FGGY: variants seen among roughly 807,000 people sequenced by gnomAD.
The protein encoded by FGGY is FGGY carbohydrate kinase domain-containing protein.
Under a neutral mutation model 71.3 loss-of-function variants are expected in FGGY, and 72 were observed. The observed-to-expected ratio is 1.01, with a 90% CI of 0.84 to 1.23. The LOEUF (loss-of-function observed/expected upper bound fraction) is 1.23, where lower values mean the gene tolerates loss of function less well. Among genes scored for constraint, FGGY ranks in the 50% most tolerant of loss-of-function variants. The probability of loss-of-function intolerance (pLI) is 0.00; values close to 1 mark genes in which losing one functional copy is unlikely to be tolerated. For missense variants in FGGY, 668 were observed against 682.3 expected (o/e 0.98, Z 0.23); for synonymous variants, 251 against 250.3 (o/e 1.00, Z -0.02).
chr1:59,503,917 T>A (rs2094308802), intron 6 of FGGY, among the ~76,000 whole-genome samples: 1 of 152,042 alleles, frequency 6.6e-6, no homozygotes, highest in Non-Finnish European at 1.5e-5. Context: ...AGGATGCTAA[T>A]TTGATTATGG....
At chr1:59,494,237 G>A (rs1352667816) in intron 6 of FGGY, among the ~76,000 whole-genome samples, 1 of 152,190 alleles carries the variant, frequency 6.6e-6, no homozygotes, top group African/African-American at 2.4e-5. Context: ...AAATGCAAAT[G>A]TGGCTAATTG....
chr1:59,328,275 AACTTGCTGGAGTTTCTACATCAGC>A (rs1215306744), intron 2 of FGGY, among the ~76,000 whole-genome samples: 1 of 152,216 alleles, frequency 6.6e-6, no homozygotes, highest in Admixed American at 6.5e-5. Flanking sequence ...TCATCTGTAT[AACTTGCTGGAGTTTCTACATCAGC>A]ACTTGCTGCT....
At chr1:59,529,218 A>G (rs542948635) in intron 7 of FGGY, among the ~76,000 whole-genome samples, 1 of 152,382 alleles carries the variant, frequency 6.6e-6, no homozygotes, top group African/African-American at 2.4e-5. Flanking sequence ...TTCTACAGGA[A>G]TTTTAAAAAG....
chr1:59,446,888 G>C (rs1157613532), intron 5 of FGGY, among the ~76,000 whole-genome samples: 2 of 152,116 alleles, frequency 1.3e-5, no homozygotes, highest in African/African-American at 2.4e-5. Flanking sequence ...CAGCAGTGCC[G>C]GCTTCATTTT....
chr1:59,726,852 G>C (rs527562800), intron 14 of FGGY, among the ~76,000 whole-genome samples: 1 of 151,934 alleles, frequency 6.6e-6, no homozygotes, highest in African/African-American at 2.4e-5. Flanking sequence ...ATTGATTTAT[G>C]CTCTAATTTT....
At chr1:59,693,269 C>T (rs1210081437) in intron 14 of FGGY, among the ~76,000 whole-genome samples, 2 of 152,230 alleles carry the variant, frequency 1.3e-5, no homozygotes, top group Admixed American at 1.3e-4. Context: ...TTCATCTGAA[C>T]GCATCACTTA....
chr1:59,432,417 A>G (rs1032647005), intron 5 of FGGY, among the ~76,000 whole-genome samples: 4 of 152,202 alleles, frequency 2.6e-5, no homozygotes. Flanking sequence ...TTTGATTGGC[A>G]TCTGAAATGG....
At chr1:59,530,918 A>T (rs2095124217) in intron 7 of FGGY, among the ~76,000 whole-genome samples, 1 of 152,200 alleles carries the variant, frequency 6.6e-6, no homozygotes, top group Non-Finnish European at 1.5e-5. Flanking sequence ...AGGTTAATGG[A>T]CCAGAAGACG....
At chr1:59,700,475 G>A (rs11207507) in intron 14 of FGGY, among the ~76,000 whole-genome samples, 2 of 152,120 alleles carry the variant, frequency 1.3e-5, no homozygotes, top group African/African-American at 4.8e-5. Context: ...CTTCAACAAA[G>A]TAGTGCATGA....
intron 6 of FGGY, among the ~76,000 whole-genome samples, chr1:59,463,780 A>C (rs543726856): frequency 9.2e-5 from 14 of 152,322 alleles, no homozygotes; most frequent in African/African-American, 3.1e-4. Context: ...GCCATTACAT[A>C]ATGGTAAAGG....
At chr1:59,748,648 A>G (rs918984424) in intron 14 of FGGY, among the ~76,000 whole-genome samples, 10 of 152,196 alleles carry the variant, frequency 6.6e-5, no homozygotes, top group Non-Finnish European at 1.2e-4. Flanking sequence ...TTTATTCAAA[A>G]AGCGATGGAA....
intron 8 of FGGY, among the ~76,000 whole-genome samples, chr1:59,560,331 A>T (rs966653739): frequency 2.0e-5 from 3 of 152,208 alleles, no homozygotes; most frequent in African/African-American, 7.2e-5. Context: ...ATCACAGCCA[A>T]GAGGAACCTA....
intron 5 of FGGY, among the ~76,000 whole-genome samples, chr1:59,423,046 A>G (rs2065733827): frequency 6.6e-6 from 1 of 152,128 alleles, no homozygotes; most frequent in Non-Finnish European, 1.5e-5. Context: ...ACTCCAGCCT[A>G]TTTCTCAATT....
intron 5 of FGGY, among the ~76,000 whole-genome samples, chr1:59,424,298 C>T (rs960988449): frequency 2.0e-5 from 3 of 152,220 alleles, no homozygotes; most frequent in African/African-American, 7.2e-5. Flanking sequence ...CCTGTAATCC[C>T]AGCACTCTGG....
chr1:59,585,137 A>C (rs35172840), intron 8 of FGGY, among the ~76,000 whole-genome samples: 1 of 152,116 alleles, frequency 6.6e-6, no homozygotes, highest in Admixed American at 6.5e-5. Flanking sequence ...TCAAGCTACC[A>C]ATGACTTTCT....
intron 2 of FGGY, among the ~76,000 whole-genome samples, chr1:59,325,904 G>A (rs934376373): frequency 6.6e-6 from 1 of 152,164 alleles, no homozygotes; most frequent in African/African-American, 2.4e-5. Context: ...CCCTAAATTT[G>A]GCAGGTTTTA....
chr1:59,393,998 A>T (rs528807901), intron 5 of FGGY, among the ~76,000 whole-genome samples: 1 of 152,284 alleles, frequency 6.6e-6, no homozygotes, highest in Non-Finnish European at 1.5e-5. Flanking sequence ...CACAAAAGCT[A>T]TTTTAAATGT....
At chr1:59,529,099 C>T (rs2095069938) in intron 7 of FGGY, among the ~76,000 whole-genome samples, 1 of 152,146 alleles carries the variant, frequency 6.6e-6, no homozygotes, top group South Asian at 2.1e-4. Flanking sequence ...TGAATATATG[C>T]ATGAATGAAT....
At chr1:59,346,471 C>G in intron 4 of FGGY, 73 bp downstream of exon 4, 1 of 1,521,666 alleles carries the variant, frequency 6.6e-7, no homozygotes, top group Non-Finnish European at 8.9e-7. Context: ...CTGTAGGTAC[C>G]AGGCACCCTG....
Sources: allele counts gnomAD v4.1 joint callset (sites outside exome capture counted in the v4.1 genomes callset), GRCh38; gene constraint gnomAD v4.1.1; transcripts MANE v1.5; gene names NCBI Gene and HGNC (gene_info 2026-07-23, HGNC 2026-07-21).